The following ATP8A1 variants were observed in gnomAD, a reference collection of about 807,000 sequenced individuals.
The protein encoded by ATP8A1 is ATPase phospholipid transporting 8A1.
In ATP8A1, 90 loss-of-function variants were observed where a neutral mutation model predicts 177.7. The observed-to-expected ratio is 0.51, with a 90% CI of 0.43 to 0.60. The LOEUF (loss-of-function observed/expected upper bound fraction) is 0.60. ATP8A1 is among the 20% of genes least tolerant of loss of function. The pLI is 0.00. For synonymous variants in ATP8A1, 493 were observed against 485.9 expected (o/e 1.01, Z -0.19); for missense variants, 1,072 against 1,392.8 (o/e 0.77, Z 3.67).
At chr4:42,554,234 C>T (rs1729812785) in intron 16 of ATP8A1, among the ~76,000 whole-genome samples, 2 of 152,076 alleles carry the variant, frequency 1.3e-5, no homozygotes, top group African/African-American at 4.8e-5. Flanking sequence ...TGGGTGCTGG[C>T]GGTCTGGACT....
intron 33 of ATP8A1, among the ~76,000 whole-genome samples, chr4:42,433,712 G>A (rs994168711): frequency 1.3e-5 from 2 of 152,070 alleles, no homozygotes; most frequent in Non-Finnish European, 2.9e-5. Context: ...GCATTTATGT[G>A]CTTCTTTCCT....
intron 33 of ATP8A1, among the ~76,000 whole-genome samples, chr4:42,436,334 C>T (rs1215369913): frequency 3.9e-5 from 6 of 152,176 alleles, no homozygotes; most frequent in African/African-American, 9.6e-5. Context: ...CTACACTTGC[C>T]GTATATTGCA....
chr4:42,516,684 C>A (rs1725568177), intron 22 of ATP8A1, among the ~76,000 whole-genome samples: 1 of 151,992 alleles, frequency 6.6e-6, no homozygotes, highest in Non-Finnish European at 1.5e-5. Flanking sequence ...ATATTTCAAA[C>A]AATGGTTTAA....
At chr4:42,462,212 G>A (rs1348964761) in intron 27 of ATP8A1, among the ~76,000 whole-genome samples, 1 of 152,234 alleles carries the variant, frequency 6.6e-6, no homozygotes, top group Non-Finnish European at 1.5e-5. Flanking sequence ...GTAATGAGAA[G>A]CCAAATGTTA....
At chr4:42,469,646 G>T (rs1284679951) in intron 25 of ATP8A1, among the ~76,000 whole-genome samples, 1 of 152,146 alleles carries the variant, frequency 6.6e-6, no homozygotes, top group Non-Finnish European at 1.5e-5. Flanking sequence ...TGATAAGTTA[G>T]AATTTGACTT....
chr4:42,532,867 G>A (rs922832874), intron 20 of ATP8A1, among the ~76,000 whole-genome samples: 1 of 152,164 alleles, frequency 6.6e-6, no homozygotes, highest in Admixed American at 6.5e-5. Flanking sequence ...TAACTGATAC[G>A]ATATATTCTC....
At position 42,631,731 on chromosome 4, in the gene ATP8A1, G is replaced by A. The variant is rs146483613; in HGVS notation, c.50-4622C>T. ...CATCTCCATACCCATTTCCACCTTC[G>A]AACACAAATTGATATTTAATCTTCC... is the stretch of plus-strand genomic sequence containing the variant. On this transcript the variant is annotated intron_variant, in intron 1 of 36. Coordinates refer to ENST00000381668, the MANE Select transcript of ATP8A1 (RefSeq NM_006095.2). Among the ~76,000 whole-genome samples, 332 of 152,084 alleles carry A rather than the reference G, an allele frequency of 2.2e-3. 2 individuals are homozygous for A. Among genetic ancestry groups the A allele is most frequent in the African/African-American group, 7.3e-3 (304 of 41,490 alleles).
At chr4:42,479,905 T>C (rs1356670228) in intron 25 of ATP8A1, among the ~76,000 whole-genome samples, 1 of 151,992 alleles carries the variant, frequency 6.6e-6, no homozygotes, top group Non-Finnish European at 1.5e-5. Flanking sequence ...GTGTGCACTT[T>C]GCGAAAATCC....
rs569659155 is a variant in ATP8A1 at position 42,483,390 on chromosome 4, A to C, written c.2324+2106T>G. On this transcript the variant is annotated intron_variant, in intron 25 of 36. Coordinates refer to ENST00000381668, the MANE Select transcript of ATP8A1 (RefSeq NM_006095.2). ...TATGTGACTTAAGAAAAAAAAAAAA[A>C]AAACCTTAAAACTGGAAATAAAACT... Among the ~76,000 whole-genome samples, 29 of 151,118 alleles carry C rather than the reference A, an allele frequency of 1.9e-4. No individual in the cohort carries two copies. The South Asian group carries it at 4.4e-3, about 23-fold the overall frequency.
rs1018229301 is a variant in ATP8A1, at chr4:42,411,091, A to C, written c.*1825T>G. On this transcript the variant is annotated 3_prime_UTR_variant, in exon 37 of 37. Coordinates refer to ENST00000381668, the MANE Select transcript of ATP8A1 (RefSeq NM_006095.2). ...ACTCTTACACCTGTGGTCTTGCTAG[A>C]TGTGTTGATTCATGACTCTCTCAAT... is the stretch of plus-strand genomic sequence containing the variant. The C allele has an allele frequency of 5.9e-5, 9 of 152,140 alleles. No individual in the cohort carries two copies. The highest frequency in any genetic ancestry group is 1.3e-4 in the Non-Finnish European group (9 of 68,038). 9.4% of individuals were successfully genotyped at this position (152,140 alleles called of 1,614,324 possible).
At chr4:42,590,444 C>A (rs1466850895) in intron 7 of ATP8A1, among the ~76,000 whole-genome samples, 2 of 152,062 alleles carry the variant, frequency 1.3e-5, no homozygotes, top group Non-Finnish European at 2.9e-5. Flanking sequence ...TCATGAAAAG[C>A]TTAACATTAT....
At position 42,555,369 on chromosome 4, in the gene ATP8A1, AATATT is replaced by A. The variant is rs1484409845; in HGVS notation, c.1413+594_1413+598del. Among the ~76,000 whole-genome samples the A allele has an allele frequency of 8.0e-5, 12 of 150,720 alleles. No homozygotes were observed. The East Asian group carries it at 2.1e-3, about 27-fold the overall frequency. On this transcript the variant is annotated intron_variant, in intron 16 of 36. Transcript: ENST00000381668. ...TCGATAACTTATTTCTAAAATTGTTAATATTGAATTGTATCACAGAAGGTTCAATA... is the reference window on the plus strand; with the variant it reads ...TCGATAACTTATTTCTAAAATTGTTAGAATTGTATCACAGAAGGTTCAATA...
chr4:42,481,579 G>T (rs1244112481), intron 25 of ATP8A1, among the ~76,000 whole-genome samples: 1 of 152,166 alleles, frequency 6.6e-6, no homozygotes, highest in East Asian at 1.9e-4. Flanking sequence ...ATAAAGCACT[G>T]GTCCCTGAGA....
chr4:42,581,875 A>G (rs1390772043), intron 9 of ATP8A1, 143 bp from the exon 10 acceptor site: 5 of 642,922 alleles, frequency 7.8e-6, no homozygotes, highest in Non-Finnish European at 1.3e-5. Context: ...CCCAGTACAA[A>G]TAATTTTCTT....
chr4:42,608,911 A>C (rs974011372), intron 5 of ATP8A1, among the ~76,000 whole-genome samples: 3 of 152,186 alleles, frequency 2.0e-5, no homozygotes, highest in African/African-American at 7.2e-5. Flanking sequence ...CTTACTTCCA[A>C]AGACAACTTT....
rs752183723 is a variant in ATP8A1 at position 42,551,215 on chromosome 4, A to T, written c.1585T>A (p.Ser529Thr). The T allele has an allele frequency of 6.2e-7, 1 of 1,613,410 alleles. No homozygotes were observed. The highest frequency in any genetic ancestry group is 8.5e-7 in the Non-Finnish European group (1 of 1,179,520). Reference protein sequence around the residue: ...NFVFTGRTPDSVIIDSLGQEE... With the variant: ...NFVFTGRTPDTVIIDSLGQEE... ...TAACTTACTGAATCTATAATCACCGAGTCGGGTGTTCTTCCAGTGAAAACA... is the reference window on the plus strand; with the variant it reads ...TAACTTACTGAATCTATAATCACCGTGTCGGGTGTTCTTCCAGTGAAAACA... Residue 529 changes from serine to threonine, a missense_variant, in exon 18 of 37, where the codon TCG (serine) becomes ACG (threonine). Physicochemically the swap from Ser to Thr is moderately conservative, Grantham distance 58. Coordinates refer to ENST00000381668, the MANE Select transcript of ATP8A1 (RefSeq NM_006095.2).
intron 24 of ATP8A1, among the ~76,000 whole-genome samples, chr4:42,486,949 T>C (rs997239729): frequency 6.6e-6 from 1 of 152,218 alleles, no homozygotes; most frequent in African/African-American, 2.4e-5. Context: ...AATGTCATGT[T>C]TCTCAGAATG....
chr4:42,540,973 T>C (rs1400147492), intron 20 of ATP8A1, among the ~76,000 whole-genome samples: 1 of 152,072 alleles, frequency 6.6e-6, no homozygotes, highest in Admixed American at 6.6e-5. Context: ...ATTATATACA[T>C]GTAACAATTT....
chr4:42,503,765 C>T lies in ATP8A1; in HGVS notation c.2087-251G>A, dbSNP rs542989176. On this transcript the variant is annotated intron_variant, in intron 23 of 36. Transcript: ENST00000381668. ...GGAAAAAGATGGTGGTAAGGATTCT[C>T]GATGTCCTGAAGCTGACAAATGGAT... Among the ~76,000 whole-genome samples, 12 of 152,196 alleles carry T rather than the reference C, an allele frequency of 7.9e-5. No homozygotes were observed. In the South Asian group the frequency reaches 1.5e-3, roughly 18 times the overall value.
Sources: allele counts gnomAD v4.1 joint callset (sites outside exome capture counted in the v4.1 genomes callset), GRCh38; gene constraint gnomAD v4.1.1; transcripts MANE v1.5; gene names NCBI Gene and HGNC (gene_info 2026-07-23, HGNC 2026-07-21).